Variants in IGSF21 observed in about 807,000 individuals in gnomAD.
IGSF21 encodes immunoglobin superfamily member 21, also known as immunoglobulin superfamily member 21.
In IGSF21, 28 loss-of-function variants were observed where a neutral mutation model predicts 46.8. The observed-to-expected ratio is 0.60, with a 90% CI of 0.44 to 0.82. The LOEUF (loss-of-function observed/expected upper bound fraction) is 0.82, where lower values mean the gene tolerates loss of function less well. IGSF21 is among the 40% of genes least tolerant of loss of function. The pLI is 0.00. For synonymous variants in IGSF21, 284 were observed against 273.6 expected (o/e 1.04, Z -0.38); for missense variants, 624 against 665.5 (o/e 0.94, Z 0.69).
Position 18,322,130 on chromosome 1 carries a change from A to G in IGSF21, c.306-12762A>G, listed in dbSNP as rs1290588224. On this transcript the variant is annotated intron_variant, in intron 3 of 9. Coordinates refer to ENST00000251296, the MANE Select transcript of IGSF21 (RefSeq NM_032880.5). This position sits in a 1 kb window ranked among gnomAD's most constrained non-coding sequence, Gnocchi z 4.3. Reference sequence around the variant, plus strand: ...AGGCTTTCCCTGAGAATTGAATGAGATCAGTTTTCAGTGCCTCGCACAGGG... The same window carrying G: ...AGGCTTTCCCTGAGAATTGAATGAGGTCAGTTTTCAGTGCCTCGCACAGGG... Among the ~76,000 whole-genome samples the G allele has an allele frequency of 6.6e-6, 1 of 152,112 alleles. No individual in the cohort carries two copies.
chr1:18,220,503 T>C (rs2084499064), intron 1 of IGSF21, among the ~76,000 whole-genome samples: 1 of 152,124 alleles, frequency 6.6e-6, no homozygotes, highest in Admixed American at 6.5e-5. Context: ...GTAGAATCCA[T>C]TTGTTTCTTT....
At chr1:18,147,577 C>T (rs2124430791) in intron 1 of IGSF21, among the ~76,000 whole-genome samples, 1 of 152,050 alleles carries the variant, frequency 6.6e-6, no homozygotes, top group South Asian at 2.1e-4. Flanking sequence ...AGCCATCTGT[C>T]AGGACACTGC....
intron 6 of IGSF21, among the ~76,000 whole-genome samples, chr1:18,371,185 C>T (rs540247318): frequency 1.2e-4 from 18 of 152,292 alleles, no homozygotes; most frequent in East Asian, 3.9e-4. Context: ...AATGAATAAA[C>T]GTATTTGTAG....
intron 1 of IGSF21, among the ~76,000 whole-genome samples, chr1:18,116,908 C>A (rs1408411557): frequency 6.6e-6 from 1 of 152,116 alleles, no homozygotes; most frequent in African/African-American, 2.4e-5. Flanking sequence ...GCCATCTGGG[C>A]AAGTGAGGGT....
intron 1 of IGSF21, among the ~76,000 whole-genome samples, chr1:18,133,562 T>A (rs755736470): frequency 6.6e-6 from 1 of 152,248 alleles, no homozygotes; most frequent in Non-Finnish European, 1.5e-5. Context: ...TGCTGCCGCT[T>A]TCAGGTAATC....
At chr1:18,235,689 G>C (rs890360927) in intron 2 of IGSF21, among the ~76,000 whole-genome samples, 2 of 152,228 alleles carry the variant, frequency 1.3e-5, no homozygotes, top group South Asian at 4.1e-4. Context: ...ACCAGGCCCT[G>C]TGCTGTAAGA....
chr1:18,202,420 A>G (rs1487093093), intron 1 of IGSF21, among the ~76,000 whole-genome samples: 1 of 152,142 alleles, frequency 6.6e-6, no homozygotes, highest in Non-Finnish European at 1.5e-5. Context: ...CTTCTTTTTC[A>G]CACTGCTATA....
rs186263092 is a variant in IGSF21, at chr1:18,308,160, C to T, written c.305+16173C>T. Among the ~76,000 whole-genome samples the T allele has an allele frequency of 3.0e-4, 46 of 152,226 alleles. No homozygotes were observed. In the South Asian group the frequency reaches 4.4e-3, roughly 14 times the overall value. On this transcript the variant is annotated intron_variant, in intron 3 of 9. Coordinates refer to ENST00000251296, the MANE Select transcript of IGSF21 (RefSeq NM_032880.5). Reference sequence around the variant, plus strand: ...CCACATCTCCCTCATCACCGCCAAACGCTCACCCCGGTTCCCACAGAGCTC... The same window carrying T: ...CCACATCTCCCTCATCACCGCCAAATGCTCACCCCGGTTCCCACAGAGCTC...
intron 1 of IGSF21, among the ~76,000 whole-genome samples, chr1:18,209,298 T>G (rs533565697): frequency 2.6e-5 from 4 of 152,290 alleles, no homozygotes; most frequent in African/African-American, 7.2e-5. Flanking sequence ...AGACTGAAGC[T>G]TCCTGTGTCC....
At chr1:18,249,918 G>C (rs940701983) in intron 2 of IGSF21, among the ~76,000 whole-genome samples, 3 of 152,172 alleles carry the variant, frequency 2.0e-5, no homozygotes, top group Non-Finnish European at 4.4e-5. Context: ...GGCAGGATCT[G>C]ACTCTGCTGC....
At chr1:18,236,625 C>T (rs2084675382) in intron 2 of IGSF21, among the ~76,000 whole-genome samples, 2 of 152,068 alleles carry the variant, frequency 1.3e-5, no homozygotes, top group Non-Finnish European at 2.9e-5. Flanking sequence ...ATGGATGGTA[C>T]CCAGTGCTAG....
intron 2 of IGSF21, among the ~76,000 whole-genome samples, chr1:18,265,090 T>C (rs1202268542): frequency 6.6e-6 from 1 of 152,248 alleles, no homozygotes; most frequent in Non-Finnish European, 1.5e-5. Context: ...TTCTATTTTT[T>C]GTAATTCATT....
intron 1 of IGSF21, among the ~76,000 whole-genome samples, chr1:18,191,147 C>T (rs1267165172): frequency 6.6e-6 from 1 of 152,150 alleles, no homozygotes; most frequent in African/African-American, 2.4e-5. Flanking sequence ...ACCCATTCCT[C>T]GTTAAGCACC....
intron 3 of IGSF21, among the ~76,000 whole-genome samples, chr1:18,294,399 G>A (rs2085294045): frequency 2.0e-5 from 3 of 152,130 alleles, no homozygotes; most frequent in South Asian, 2.1e-4. Flanking sequence ...CCTTTTATGC[G>A]CTTTCTGTTT....
intron 1 of IGSF21, among the ~76,000 whole-genome samples, chr1:18,186,945 C>T (rs1386244956): frequency 1.3e-5 from 2 of 152,188 alleles, no homozygotes; most frequent in African/African-American, 2.4e-5. Context: ...TGTCTTTCTT[C>T]AACACACTTA....
chr1:18,367,772 A>AT (rs2086182885), intron 6 of IGSF21, among the ~76,000 whole-genome samples: 6 of 109,120 alleles, frequency 5.5e-5, no homozygotes, highest in Non-Finnish European at 1.1e-4. Flanking sequence ...ACATCCTGCT[A>AT]ATTTTTTTTT....
At chr1:18,366,485 G>A (rs1227537555) in intron 6 of IGSF21, among the ~76,000 whole-genome samples, 1 of 152,164 alleles carries the variant, frequency 6.6e-6, no homozygotes, top group Non-Finnish European at 1.5e-5. Flanking sequence ...AACATGGGAG[G>A]TGACAGGGAG....
intron 1 of IGSF21, among the ~76,000 whole-genome samples, chr1:18,162,715 G>A (rs539779295): frequency 2.4e-4 from 37 of 152,328 alleles, no homozygotes; most frequent in Admixed American, 3.9e-4. Context: ...GTTGAGGAGC[G>A]TCTGCATATT....
intron 3 of IGSF21, among the ~76,000 whole-genome samples, chr1:18,318,855 T>G (rs1403602342): frequency 6.6e-6 from 1 of 152,160 alleles, no homozygotes; most frequent in African/African-American, 2.4e-5. Context: ...ATCTATACGT[T>G]TGGCTTTGCT....
Sources: gnomAD v4.1 joint callset for allele counts (sites outside exome capture counted in the v4.1 genomes callset) on GRCh38, gnomAD v4.1.1 for gene constraint, Gnocchi (gnomAD v3.1) non-coding constraint, MANE v1.5 for transcripts, NCBI Gene and HGNC (gene_info 2026-07-23, HGNC 2026-07-21) for gene names.